ZFPM1: variants seen among roughly 807,000 people sequenced by gnomAD.
ZFPM1 encodes the protein zinc finger protein ZFPM1.
ZFPM1 carries 28 observed loss-of-function variants against 46.3 expected under a neutral mutation model. The observed-to-expected ratio is 0.60, with a 90% CI of 0.45 to 0.83. The LOEUF (loss-of-function observed/expected upper bound fraction) is 0.83, where lower values mean the gene tolerates loss of function less well. Among genes scored for constraint, ZFPM1 ranks in the 40% least tolerant of loss-of-function variants. ZFPM1 has a pLI of 0.00. For missense variants in ZFPM1, 1,878 were observed against 1,432.4 expected, an observed-to-expected ratio of 1.31 and a Z score of -5.02; for synonymous variants, 957 against 675.9, an observed-to-expected ratio of 1.42 and a Z score of -6.45.
intron 3 of ZFPM1, among the ~76,000 whole-genome samples, chr16:88,503,682 A>G (rs1251887860): frequency 6.6e-6 from 1 of 152,080 alleles, no homozygotes; most frequent in Non-Finnish European, 1.5e-5. Flanking sequence ...CTTCCCATAA[A>G]ATCACACGTG....
rs1913119220 is a variant in ZFPM1, at chr16:88,534,495, C to T, written c.2537C>T (p.Pro846Leu). Residue 846 changes from proline (P) to leucine (L), a missense_variant, in exon 10 of 10, where the codon CCC (proline) becomes CTC (leucine). Pro to Leu is a moderately conservative substitution (Grantham distance 98). Transcript: ENST00000319555. ...KKYSCPAAPP[P>L]GALGLPAAAC... ...TACTCGTGCCCCGCTGCGCCACCGC[C>T]CGGCGCGCTCGGCCTGCCCGCCGCC... The T allele has an allele frequency of 6.8e-7, 1 of 1,466,888 alleles. No homozygotes were observed. The highest frequency in any genetic ancestry group is 1.5e-5 in the African/African-American group (1 of 67,706). 90.9% of individuals were successfully genotyped at this position (1,466,888 alleles called of 1,614,324 possible).
intron 1 of ZFPM1, among the ~76,000 whole-genome samples, chr16:88,484,925 C>T (rs978924178): frequency 6.6e-6 from 1 of 152,240 alleles, no homozygotes; most frequent in African/African-American, 2.4e-5. Context: ...GGAGTTCCCC[C>T]ACCCCGATGT....
At chr16:88,514,012 G>A (rs894821556) in intron 3 of ZFPM1, among the ~76,000 whole-genome samples, 1 of 152,222 alleles carries the variant, frequency 6.6e-6, no homozygotes, top group African/African-American at 2.4e-5. Flanking sequence ...ATAGACTGCA[G>A]GCTGATGTAT....
At chr16:88,518,219 T>A (rs1245221021) in intron 4 of ZFPM1, among the ~76,000 whole-genome samples, 10 of 146,604 alleles carry the variant, frequency 6.8e-5, no homozygotes, top group South Asian at 6.4e-4. Flanking sequence ...AAAAAAAAAA[T>A]GAGTGGGTGA....
intron 1 of ZFPM1, among the ~76,000 whole-genome samples, chr16:88,459,608 C>T (rs997618705): frequency 3.3e-5 from 4 of 122,940 alleles, no homozygotes; most frequent in Admixed American, 2.4e-4. Context: ...CTTTCTCCTC[C>T]CCCTCCTCTC....
At chr16:88,467,619 G>A (rs1017711439) in intron 1 of ZFPM1, among the ~76,000 whole-genome samples, 11 of 152,178 alleles carry the variant, frequency 7.2e-5, no homozygotes, top group Non-Finnish European at 1.2e-4. Context: ...TGGGACCTCC[G>A]GACCCCGGGC....
chr16:88,462,436 G>A (rs143497791), intron 1 of ZFPM1, among the ~76,000 whole-genome samples: 5 of 152,366 alleles, frequency 3.3e-5, no homozygotes, highest in African/African-American at 1.2e-4. Context: ...GAGAAAATCG[G>A]GGGTCAGAGA....
Position 88,534,613 on chromosome 16 carries a change from G to T in ZFPM1, c.2655G>T (p.Leu885=). 8.7e-7 allele frequency: 1 copy of T among 1,149,354 alleles called. No homozygotes were observed. 71.2% of individuals were successfully genotyped at this position (1,149,354 alleles called of 1,614,324 possible). ...LAHGLLLGAP[L]AGPGVEARTP... Reference sequence around the variant, plus strand: ...ACGGCCTGCTGCTCGGCGCGCCCCTGGCCGGCCCGGGGGTCGAGGCCCGGA... The same window carrying T: ...ACGGCCTGCTGCTCGGCGCGCCCCTTGCCGGCCCGGGGGTCGAGGCCCGGA... The change falls in exon 10 of 10, where the codon CTG becomes CTT. Residue 885 remains leucine, a synonymous_variant. Transcript: ENST00000319555.
At chr16:88,485,320 A>G (rs1483464333) in intron 1 of ZFPM1, among the ~76,000 whole-genome samples, 2 of 152,146 alleles carry the variant, frequency 1.3e-5, no homozygotes, top group African/African-American at 4.8e-5. Context: ...CTTCTCTGGC[A>G]AGAGTGGAAT....
intron 5 of ZFPM1, 48 bp downstream of exon 5, chr16:88,526,964 G>A: frequency 1.3e-6 from 2 of 1,528,426 alleles, no homozygotes; most frequent in Non-Finnish European, 1.8e-6. Flanking sequence ...GAAGGTGGGG[G>A]TCACTTGGCT....
At chr16:88,495,913 G>A (rs1909905729) in intron 3 of ZFPM1, among the ~76,000 whole-genome samples, 1 of 152,130 alleles carries the variant, frequency 6.6e-6, no homozygotes, top group Non-Finnish European at 1.5e-5. Flanking sequence ...AGGAGCACAG[G>A]GGTCCGCCTG....
intron 1 of ZFPM1, among the ~76,000 whole-genome samples, chr16:88,455,132 G>GGTGTGTGTGTGTGTGTGTGT (rs4047261): frequency 7.1e-5 from 10 of 141,770 alleles, no homozygotes; most frequent in East Asian, 2.1e-4. Flanking sequence ...TCGGTTCTGG[G>GGTGTGTGTGTGTGTGTGTGT]GTGTGTGTGT....
chr16:88,493,049 A>ATCCCGGGGTGCGGAGAGCTG (rs1597248384), intron 3 of ZFPM1, among the ~76,000 whole-genome samples: 6 of 39,478 alleles, frequency 1.5e-4, no homozygotes, highest in African/African-American at 4.0e-4. Flanking sequence ...ATGGAGAGCT[A>ATCCCGGGGTGCGGAGAGCTG]TCCCGGGGTG....
intron 3 of ZFPM1, 137 bp from the exon 4 acceptor site, chr16:88,514,250 A>C (rs1597266454): frequency 7.0e-7 from 1 of 1,425,726 alleles, no homozygotes; most frequent in South Asian, 1.4e-5. Flanking sequence ...GGGACCCAGC[A>C]CCTGCCCGGC....
intron 1 of ZFPM1, among the ~76,000 whole-genome samples, chr16:88,476,548 A>G (rs1210928756): frequency 1.3e-5 from 2 of 151,648 alleles, no homozygotes; most frequent in Non-Finnish European, 2.9e-5. Context: ...GGGCAGGGCC[A>G]TTTTCGGAAA....
chr16:88,491,081 C>T (rs570883886), intron 3 of ZFPM1, among the ~76,000 whole-genome samples: 1 of 151,206 alleles, frequency 6.6e-6, no homozygotes, highest in South Asian at 2.1e-4. Context: ...CTTCGCGGGT[C>T]CCAGTCAGGC....
In ZFPM1 at chr16:88,534,713, G is replaced by A. The variant is rs968024730; in HGVS notation, c.2755G>A (p.Asp919Asn). 8.2e-6 allele frequency: 8 copies of A among 981,430 alleles called. No homozygotes were observed. The African/African-American group carries it at 1.4e-4, about 18-fold the overall frequency. The allele number at this position is 981,430 out of a possible 1,614,324, so 60.8% of individuals were successfully genotyped here. Residue 919 changes from aspartate to asparagine, a missense_variant, in exon 10 of 10, where the codon GAC becomes AAC. Transcript: ENST00000319555. ...SPQPGSRGPR[D>N]GLGPEPQEPP... The stretch of plus-strand genomic sequence containing the variant: ...GCAGCCCGGGTCCCGTGGCCCCCGG[G>A]ACGGCCTCGGCCCGGAGCCCCAGGA...
chr16:88,513,980 T>A (rs1302704871), intron 3 of ZFPM1, among the ~76,000 whole-genome samples: 1 of 152,264 alleles, frequency 6.6e-6, no homozygotes, highest in African/African-American at 2.4e-5. Context: ...CAAAGACCCT[T>A]TTTCCAAATA....
intron 4 of ZFPM1, among the ~76,000 whole-genome samples, chr16:88,520,904 G>T (rs1207468631): frequency 7.8e-5 from 10 of 127,562 alleles, no homozygotes; most frequent in Non-Finnish European, 1.6e-4. Context: ...AGTGTGGGTG[G>T]ATGGATGGAT....
Sources: allele counts gnomAD v4.1 joint callset (sites outside exome capture counted in the v4.1 genomes callset), GRCh38; gene constraint gnomAD v4.1.1; transcripts MANE v1.5; gene names NCBI Gene and HGNC (gene_info 2026-07-23, HGNC 2026-07-21).